RNF216: variants seen among roughly 807,000 people sequenced by gnomAD.
RNF216 encodes the protein E3 ubiquitin-protein ligase RNF216.
In RNF216, 72 loss-of-function variants were observed where a neutral mutation model predicts 110.8. That is an observed-to-expected ratio of 0.65 (90% CI 0.54 to 0.79). RNF216 has a LOEUF of 0.79. RNF216 is among the 30% of genes least tolerant of loss of function. RNF216 has a pLI of 0.00. For missense variants in RNF216, 1,342 were observed against 1,141.2 expected (o/e 1.18, Z -2.54); for synonymous variants, 495 against 407.5 (o/e 1.21, Z -2.59).
intron 13 of RNF216, among the ~76,000 whole-genome samples, chr7:5,703,714 G>A (rs1238814399): frequency 2.0e-5 from 3 of 152,176 alleles, no homozygotes; most frequent in Admixed American, 2.0e-4. Context: ...CAGTTTCCAC[G>A]AAAAGACTAC....
At chr7:5,636,481 AC>A (rs773579532) in intron 15 of RNF216, among the ~76,000 whole-genome samples, 1 of 152,170 alleles carries the variant, frequency 6.6e-6, no homozygotes, top group Non-Finnish European at 1.5e-5. Flanking sequence ...TCCCTCCAAA[AC>A]CATGATGGGA....
chr7:5,647,572 A>G (rs1253645254), intron 14 of RNF216, among the ~76,000 whole-genome samples: 1 of 151,786 alleles, frequency 6.6e-6, no homozygotes, highest in Non-Finnish European at 1.5e-5. Context: ...GGGTTCAAGC[A>G]ATCCTTCCGC....
At chr7:5,687,850 G>A (rs1791086533) in intron 13 of RNF216, among the ~76,000 whole-genome samples, 1 of 152,120 alleles carries the variant, frequency 6.6e-6, no homozygotes, top group African/African-American at 2.4e-5. Context: ...AGTGGGTGAG[G>A]CAGAGATCAT....
At chr7:5,650,808 A>G (rs1246032349) in intron 14 of RNF216, among the ~76,000 whole-genome samples, 2 of 152,232 alleles carry the variant, frequency 1.3e-5, no homozygotes, top group Non-Finnish European at 2.9e-5. Flanking sequence ...GTCCTTAACC[A>G]TACAACCAAG....
chr7:5,655,567 C>G (rs1335874379), intron 13 of RNF216, among the ~76,000 whole-genome samples: 1 of 152,014 alleles, frequency 6.6e-6, no homozygotes, highest in African/African-American at 2.4e-5. Context: ...GATCGCACCA[C>G]TGCACTCCAG....
At chr7:5,641,413 A>T in intron 14 of RNF216, 37 bp from the exon 15 acceptor site, 2 of 1,548,190 alleles carry the variant, frequency 1.3e-6, no homozygotes, top group Non-Finnish European at 1.8e-6. Flanking sequence ...CTGGGAGGGA[A>T]GATGAGGAGG....
intron 13 of RNF216, among the ~76,000 whole-genome samples, chr7:5,665,630 T>C (rs1019270779): frequency 6.6e-6 from 1 of 151,960 alleles, no homozygotes; most frequent in Non-Finnish European, 1.5e-5. Flanking sequence ...CACACATAGC[T>C]GCCGGCTTTT....
intron 3 of RNF216, among the ~76,000 whole-genome samples, chr7:5,744,317 C>T (rs1794920183): frequency 6.6e-6 from 1 of 152,088 alleles, no homozygotes; most frequent in Non-Finnish European, 1.5e-5. Context: ...AAAGCCAGGT[C>T]AGAATAGCCA....
At chr7:5,646,267 G>T (rs1584369391) in intron 14 of RNF216, among the ~76,000 whole-genome samples, 1 of 152,240 alleles carries the variant, frequency 6.6e-6, no homozygotes, top group East Asian at 1.9e-4. Context: ...AACTCGTGAG[G>T]CTGAGGCATG....
Position 5,738,087 on chromosome 7 carries a change from C to CA in RNF216, c.1121+1188dup, listed in dbSNP as rs200643372. The stretch of plus-strand genomic sequence containing the variant: ...CTGGGCAACAGAATAAGACTGTCTC[C>CA]AAAAAAAAAAAAAAAAAAAAAAAAA... On this transcript the variant is annotated intron_variant, in intron 5 of 16. Coordinates refer to ENST00000389902, the MANE Select transcript of RNF216 (RefSeq NM_207111.4). Among the ~76,000 whole-genome samples, 309 of 110,948 alleles carry CA rather than the reference C, an allele frequency of 2.8e-3. 5 individuals are homozygous for CA. The highest frequency in any genetic ancestry group is 7.3e-3 in the South Asian group (26 of 3,574). 72.8% of individuals were successfully genotyped at this position (110,948 alleles called of 152,430 possible).
chr7:5,742,038 T>C (rs1296558087), intron 3 of RNF216, among the ~76,000 whole-genome samples: 1 of 152,166 alleles, frequency 6.6e-6, no homozygotes, highest in Non-Finnish European at 1.5e-5. Flanking sequence ...TGAGATATAG[T>C]TTGAATTATA....
At chr7:5,769,744 G>T (rs1045872230) in intron 1 of RNF216, among the ~76,000 whole-genome samples, 3 of 148,310 alleles carry the variant, frequency 2.0e-5, no homozygotes, top group Non-Finnish European at 3.0e-5. Context: ...AAAGAAAAAA[G>T]ACTGAAAATC....
intron 3 of RNF216, among the ~76,000 whole-genome samples, chr7:5,750,820 G>C (rs1251553475): frequency 6.6e-6 from 1 of 152,198 alleles, no homozygotes; most frequent in East Asian, 1.9e-4. Context: ...TTCACCATCA[G>C]TAGTAGCCTC....
chr7:5,774,898 T>C (rs1796692163), intron 1 of RNF216: 1 of 152,084 alleles, frequency 6.6e-6, no homozygotes, highest in Non-Finnish European at 1.5e-5. Flanking sequence ...ACAGGCATGT[T>C]GCCACCATGC....
chr7:5,635,800 C>T (rs181257844), intron 15 of RNF216, among the ~76,000 whole-genome samples: 2 of 152,344 alleles, frequency 1.3e-5, no homozygotes, highest in Admixed American at 1.3e-4. Context: ...GTATTAACAT[C>T]TATAAATGTT....
intron 3 of RNF216, among the ~76,000 whole-genome samples, chr7:5,745,589 A>G (rs1158932793): frequency 1.3e-5 from 2 of 152,184 alleles, no homozygotes; most frequent in Non-Finnish European, 2.9e-5. Flanking sequence ...AAGGTGATTG[A>G]GTATAAAATT....
chr7:5,637,805 T>C (rs774920795), intron 15 of RNF216, among the ~76,000 whole-genome samples: 11 of 152,344 alleles, frequency 7.2e-5, no homozygotes, highest in South Asian at 6.2e-4. Context: ...GCTCTCGAAG[T>C]GCTGGGATTA....
intron 13 of RNF216, among the ~76,000 whole-genome samples, chr7:5,674,544 C>T (rs944162651): frequency 4.6e-5 from 7 of 151,936 alleles, no homozygotes; most frequent in Admixed American, 3.3e-4. Flanking sequence ...GGGAGGATCA[C>T]TTAAGCCCAG....
intron 13 of RNF216, among the ~76,000 whole-genome samples, chr7:5,668,858 A>C (rs1789708697): frequency 6.6e-6 from 1 of 152,166 alleles, no homozygotes; most frequent in Non-Finnish European, 1.5e-5. Flanking sequence ...CCATATCTTT[A>C]CTACGGGAAA....
Sources: gnomAD v4.1 joint callset for allele counts (sites outside exome capture counted in the v4.1 genomes callset) on GRCh38, gnomAD v4.1.1 for gene constraint, MANE v1.5 for transcripts, NCBI Gene and HGNC (gene_info 2026-07-23, HGNC 2026-07-21) for gene names.